MEGF10: variants seen among roughly 807,000 people sequenced by gnomAD.
The protein encoded by MEGF10 is multiple EGF like domains 10, also known as multiple epidermal growth factor-like domains protein 10.
Under a neutral mutation model 147.5 loss-of-function variants are expected in MEGF10, and 86 were observed. That is an observed-to-expected ratio of 0.58 (90% confidence interval 0.49 to 0.70). The LOEUF (loss-of-function observed/expected upper bound fraction) is 0.70. Ranked by LOEUF, MEGF10 falls within the 30% of genes least tolerant of loss-of-function variation. The pLI, the probability that MEGF10 is intolerant of heterozygous loss-of-function variation, is 0.00. For missense variants in MEGF10, 1,329 were observed against 1,487.3 expected, an observed-to-expected ratio of 0.89 and a Z score of 1.75; for synonymous variants, 478 against 525.5, an observed-to-expected ratio of 0.91 and a Z score of 1.24.
At chr5:127,326,799 T>C (rs909400704) in intron 1 of MEGF10, among the ~76,000 whole-genome samples, 40 of 152,156 alleles carry the variant, frequency 2.6e-4, no homozygotes, top group Non-Finnish European at 5.6e-4. Flanking sequence ...TAGCGATATG[T>C]GAGTAGCAGA....
chr5:127,447,268 G>A (rs758111551), intron 20 of MEGF10, among the ~76,000 whole-genome samples: 8 of 151,904 alleles, frequency 5.3e-5, no homozygotes, highest in East Asian at 1.9e-4. Flanking sequence ...CTCTACCTCC[G>A]GGGTTCAAGC....
rs755681026 is a variant in MEGF10 at position 127,435,414 on chromosome 5, A to G, written c.2029A>G (p.Asn677Asp). ...KNCAGICTCT[N>D]NGTCNPIDRS... is the part of the protein sequence containing the mutation. ...CTGTGCAGGAATTTGTACCTGCACCAACAACGGAACCTGTAACCCCATTGA... is the reference window on the plus strand; with the variant it reads ...CTGTGCAGGAATTTGTACCTGCACCGACAACGGAACCTGTAACCCCATTGA... Residue 677 changes from asparagine (N) to aspartate (D), a missense_variant, in exon 16 of 25, where the codon AAC (asparagine) becomes GAC (aspartate). This residue lies in a region of MEGF10 where 980 missense variants were observed against 1,085.9 expected (regional missense o/e 0.90). Coordinates refer to ENST00000503335, the MANE Select transcript of MEGF10 (RefSeq NM_001256545.2). 2 of 1,614,058 alleles carry G rather than the reference A, an allele frequency of 1.2e-6. No individual in the cohort carries two copies. The highest frequency in any genetic ancestry group is 2.7e-5 in the African/African-American group (2 of 74,940).
At chr5:127,403,722 AT>A (rs151152616) in intron 8 of MEGF10, among the ~76,000 whole-genome samples, 4,469 of 152,252 alleles carry the variant, frequency 0.029, 202 homozygotes, top group African/African-American at 0.1. Context: ...AGCTTATTTC[AT>A]TTAACATAAT....
In MEGF10 at chr5:127,440,135, C is replaced by T. The variant is rs528678963; in HGVS notation, c.2234-604C>T. ...GTGGGTGTCTTTAGCTCAAGAGACTCGCCGGTCTAAGCATTGAAAATCATG... is the reference window on the plus strand; with the variant it reads ...GTGGGTGTCTTTAGCTCAAGAGACTTGCCGGTCTAAGCATTGAAAATCATG... On this transcript the variant is annotated intron_variant, in intron 17 of 24. Coordinates refer to ENST00000503335, the MANE Select transcript of MEGF10 (RefSeq NM_001256545.2). Among the ~76,000 whole-genome samples the T allele has an allele frequency of 4.6e-5, 7 of 152,296 alleles. No homozygotes were observed. In the South Asian group the frequency reaches 8.3e-4, roughly 18 times the overall value.
chr5:127,272,176 A>G, the MEGF10 span, among the ~76,000 whole-genome samples: 1 of 152,190 alleles, frequency 6.6e-6, no homozygotes, highest in African/African-American at 2.4e-5. Flanking sequence ...GGCACCATTT[A>G]TTAAATAGGG....
intron 4 of MEGF10, among the ~76,000 whole-genome samples, chr5:127,344,748 GA>G (rs1761815989): frequency 6.6e-6 from 1 of 152,082 alleles, no homozygotes. Context: ...CTTTTCTTTT[GA>G]AATTGGATTT....
intron 4 of MEGF10, among the ~76,000 whole-genome samples, chr5:127,350,107 C>T (rs1003391365): frequency 6.6e-6 from 1 of 152,156 alleles, no homozygotes; most frequent in African/African-American, 2.4e-5. Context: ...AGTGAAATCA[C>T]AACCTCTAAG....
At chr5:127,448,970 C>A in intron 21 of MEGF10, 129 bp from the exon 22 acceptor site, 2 of 1,211,368 alleles carry the variant, frequency 1.7e-6, no homozygotes, top group Non-Finnish European at 2.3e-6. Flanking sequence ...GTCACCTCGG[C>A]CCCTGAGCTC....
chr5:127,371,393 G>T (rs888396775), intron 5 of MEGF10, among the ~76,000 whole-genome samples: 2 of 152,106 alleles, frequency 1.3e-5, no homozygotes, highest in Non-Finnish European at 2.9e-5. Flanking sequence ...TTTGGCTCAT[G>T]TCCATTTTTC....
chr5:127,229,896 AG>A, the MEGF10 span: 5 of 152,178 alleles, frequency 3.3e-5, no homozygotes, highest in African/African-American at 1.2e-4. Flanking sequence ...ACGTGTGCAA[AG>A]TATGTGTTTT....
intron 2 of MEGF10, among the ~76,000 whole-genome samples, chr5:127,332,993 G>A (rs1022331586): frequency 6.6e-5 from 10 of 152,186 alleles, no homozygotes; most frequent in South Asian, 4.2e-4. Flanking sequence ...GAGAAGACGA[G>A]GATTTAGAAC....
chr5:127,312,613 G>A (rs1487138694), intron 1 of MEGF10, among the ~76,000 whole-genome samples: 1 of 152,210 alleles, frequency 6.6e-6, no homozygotes, highest in African/African-American at 2.4e-5. Context: ...AGGGAAGGTT[G>A]GATCCTTTTA....
At chr5:127,324,031 G>T (rs1198960556) in intron 1 of MEGF10, among the ~76,000 whole-genome samples, 1 of 152,124 alleles carries the variant, frequency 6.6e-6, no homozygotes, top group Admixed American at 6.6e-5. Flanking sequence ...GTAATATTCT[G>T]TTGGTTATAG....
chr5:127,415,593 G>A (rs1310118845), intron 9 of MEGF10, among the ~76,000 whole-genome samples: 1 of 151,946 alleles, frequency 6.6e-6, no homozygotes, highest in Non-Finnish European at 1.5e-5. Context: ...TAGTGATGAG[G>A]CAGAAGAAGT....
chr5:127,412,631 A>C (rs2126956760), intron 9 of MEGF10, among the ~76,000 whole-genome samples: 1 of 152,322 alleles, frequency 6.6e-6, no homozygotes, highest in East Asian at 1.9e-4. Context: ...CATATATTTT[A>C]GCCATATAGT....
the MEGF10 span, among the ~76,000 whole-genome samples, chr5:127,279,651 A>G: frequency 3.3e-5 from 5 of 152,086 alleles, no homozygotes; most frequent in Non-Finnish European, 7.4e-5. Flanking sequence ...TTTTTTTGCT[A>G]CAGTTTAGAA....
In MEGF10 at chr5:127,369,291, C is replaced by G. The variant is rs1435047403; in HGVS notation, c.320-619C>G. On this transcript the variant is annotated intron_variant, in intron 4 of 24. Coordinates refer to ENST00000503335, the MANE Select transcript of MEGF10 (RefSeq NM_001256545.2). The stretch of plus-strand genomic sequence containing the variant: ...TTTGCAGTGATGCCCCTTTTGTCTC[C>G]AAGGGTTGAGTACACCTAAGATCTT... Among the ~76,000 whole-genome samples, 5 of 152,058 alleles carry G rather than the reference C, an allele frequency of 3.3e-5. No individual in the cohort carries two copies. The East Asian group carries it at 9.6e-4, about 29-fold the overall frequency.
At chr5:127,260,204 A>T in the MEGF10 span, among the ~76,000 whole-genome samples, 1 of 152,038 alleles carries the variant, frequency 6.6e-6, no homozygotes, top group African/African-American at 2.4e-5. Context: ...TGTAAAAAAA[A>T]TAAAAAAGAA....
At chr5:127,246,985 A>AATATATATATATATATATATATATAT in the MEGF10 span, among the ~76,000 whole-genome samples, 16 of 104,162 alleles carry the variant, frequency 1.5e-4, no homozygotes, top group African/African-American at 2.6e-4. Context: ...GTATAAAAAG[A>AATATATATATATATATATATATATAT]ATATATATAT....
Sources: gnomAD v4.1 joint callset for allele counts (sites outside exome capture counted in the v4.1 genomes callset) on GRCh38, gnomAD v4.1.1 for gene constraint, gnomAD v4.1.1 regional missense constraint, MANE v1.5 for transcripts, NCBI Gene and HGNC (gene_info 2026-07-23, HGNC 2026-07-21) for gene names.